The following HPS3 variants were observed in gnomAD, a reference collection of about 807,000 sequenced individuals.
HPS3 encodes the protein HPS3 biogenesis of lysosomal organelles complex 2 subunit 1, also known as BLOC-2 complex member HPS3.
Under a neutral mutation model 110.9 loss-of-function variants are expected in HPS3, and 79 were observed. That is an observed-to-expected ratio of 0.71 (90% CI 0.59 to 0.86). The LOEUF (loss-of-function observed/expected upper bound fraction) is 0.86, where lower values mean the gene tolerates loss of function less well. Among genes scored for constraint, HPS3 ranks in the 40% least tolerant of loss-of-function variants. HPS3 has a pLI of 0.00. For synonymous variants in HPS3, 428 were observed against 451.0 expected, an observed-to-expected ratio of 0.95 and a Z score of 0.65; for missense variants, 1,197 against 1,206.2, an observed-to-expected ratio of 0.99 and a Z score of 0.11.
chr3:149,135,943 G>A (rs1024500086), intron 1 of HPS3, among the ~76,000 whole-genome samples: 19 of 152,012 alleles, frequency 1.2e-4, no homozygotes, highest in African/African-American at 3.6e-4. Flanking sequence ...AATTATTTCT[G>A]CCTTGTGATT....
intron 1 of HPS3, among the ~76,000 whole-genome samples, chr3:149,130,643 G>C (rs1203103466): frequency 6.6e-6 from 1 of 152,086 alleles, no homozygotes; most frequent in Non-Finnish European, 1.5e-5. Flanking sequence ...AGCCGGACGT[G>C]GTGGTGGGCG....
At chr3:149,134,148 C>T (rs542279124) in intron 1 of HPS3, among the ~76,000 whole-genome samples, 1 of 152,310 alleles carries the variant, frequency 6.6e-6, no homozygotes, top group South Asian at 2.1e-4. Flanking sequence ...CAGGGGCCTG[C>T]ACTGGGCCAC....
At chr3:149,167,285 C>G (rs1724521864) in intron 15 of HPS3, 45 bp downstream of exon 15, 1 of 1,467,372 alleles carries the variant, frequency 6.8e-7, no homozygotes. Context: ...CAGTGATAAT[C>G]AGATCTGATA....
rs777231166 is a variant in HPS3, at chr3:149,145,421, C to T, written c.1038C>T (p.Phe346=). Residue 346 remains phenylalanine, a synonymous_variant, in exon 5 of 17, where the codon TTC becomes TTT. Coordinates refer to ENST00000296051, the MANE Select transcript of HPS3 (RefSeq NM_032383.5). ...EKELLSLFCF[F]SLPHVGYLYM... ...AATTGCTGAGTCTCTTTTGCTTTTT[C>T]TCCTTACCTCATGTGGGCTATCTCT... 6.2e-7 allele frequency: 1 copy of T among 1,613,946 alleles called. No homozygotes were observed. Among genetic ancestry groups the T allele is most frequent in the Non-Finnish European group, 8.5e-7 (1 of 1,179,926 alleles).
intron 14 of HPS3, 148 bp downstream of exon 14, chr3:149,164,097 G>T (rs756230127): frequency 1.7e-6 from 1 of 587,372 alleles, no homozygotes; most frequent in Non-Finnish European, 3.0e-6. Flanking sequence ...AGGAGACTTG[G>T]AGGGAATGCC....
chr3:149,172,512 G>A lies in HPS3; in HGVS notation c.*290G>A, dbSNP rs769668427. 2.5e-5 allele frequency: 7 copies of A among 284,916 alleles called. No individual in the cohort carries two copies. Among genetic ancestry groups the A allele is most frequent in the Admixed American group, 9.3e-5 (2 of 21,552 alleles). The allele number at this position is 284,916 out of a possible 1,614,324, so 17.6% of individuals were successfully genotyped here. ...AGAAGCCATACATTTTTTAAGGTGG[G>A]GATTGACTTTTATTCCAAGGAACAA... On this transcript the variant is annotated 3_prime_UTR_variant, in exon 17 of 17. Transcript: ENST00000296051.
chr3:149,157,428 C>G lies in HPS3; in HGVS notation c.1588C>G (p.Arg530Gly). The change falls in exon 9 of 17, where the codon CGA becomes GGA. Residue 530 changes from arginine to glycine, a missense_variant. By Grantham distance (125) the Arg-to-Gly change is moderately radical. Transcript: ENST00000296051. ...HLLSEAHLLVRAALMDASQLE... is the reference protein window; with the variant it reads ...HLLSEAHLLVGAALMDASQLE... ...TCTCAGTGAGGCTCATCTGTTAGTG[C>G]GAGCTGCCCTGATGGATGCCAGTCA... The G allele has an allele frequency of 6.2e-7, 1 of 1,613,858 alleles. No homozygotes were observed. Among genetic ancestry groups the G allele is most frequent in the Non-Finnish European group, 8.5e-7 (1 of 1,179,842 alleles).
chr3:149,140,306 G>C lies in HPS3; in HGVS notation c.520G>C (p.Asp174His), dbSNP rs751435609. 1.2e-6 allele frequency: 2 copies of C among 1,613,512 alleles called. No homozygotes were observed. The highest frequency in any genetic ancestry group is 1.1e-5 in the South Asian group (1 of 91,048). The change falls in exon 2 of 17, where the codon GAC becomes CAC. Residue 174 changes from aspartate (D) to histidine (H), a missense_variant. Transcript: ENST00000296051. ...CATTAATGAGGAATTCTCACTATTGGACTTTGAACGTTCTTTAATTATACA... is the reference window on the plus strand; with the variant it reads ...CATTAATGAGGAATTCTCACTATTGCACTTTGAACGTTCTTTAATTATACA... Reference protein sequence around the residue: ...QIINEEFSLLDFERSLIIHID... With the variant: ...QIINEEFSLLHFERSLIIHID...
chr3:149,163,745 C>G (rs1341311955), intron 13 of HPS3, 97 bp from the exon 14 acceptor site: 2 of 724,228 alleles, frequency 2.8e-6, no homozygotes, highest in Non-Finnish European at 4.9e-6. Flanking sequence ...AATTCTATGA[C>G]ATGGCAGAGA....
intron 5 of HPS3, among the ~76,000 whole-genome samples, chr3:149,148,017 C>T (rs1722881440): frequency 6.6e-6 from 1 of 151,978 alleles, no homozygotes; most frequent in Non-Finnish European, 1.5e-5. Flanking sequence ...ATTATAGGCA[C>T]CTGCCGCCAT....
chr3:149,149,722 A>G (rs150747046), intron 5 of HPS3, among the ~76,000 whole-genome samples: 95 of 152,300 alleles, frequency 6.2e-4, no homozygotes, highest in Middle Eastern at 3.4e-3. Context: ...GAAGGAAGGA[A>G]TAAAAATATC....
rs1233251756 is a variant in HPS3 at position 149,172,113 on chromosome 3, C to T, written c.2906C>T (p.Ala969Val). Residue 969 changes from alanine (A) to valine (V), a missense_variant, in exon 17 of 17, where the codon GCT becomes GTT. Ala to Val is a moderately conservative substitution (Grantham distance 64). Coordinates refer to ENST00000296051, the MANE Select transcript of HPS3 (RefSeq NM_032383.5). ...TACACAGAAACATTGTCAATTGTTG[C>T]TGTGGAACTAGAACTGAAGGATTTC... ...SSLKETLSIV[A>V]VELELKDFMN... The T allele has an allele frequency of 6.2e-7, 1 of 1,612,836 alleles. No homozygotes were observed. Among genetic ancestry groups the T allele is most frequent in the Non-Finnish European group, 8.5e-7 (1 of 1,178,980 alleles).
chr3:149,168,072 C>T lies in HPS3; in HGVS notation c.2887+89C>T, dbSNP rs1406220444. On this transcript the variant is annotated intron_variant, in intron 16 of 16. Transcript: ENST00000296051. ...TTCTTAAGTATTTTCATGTGATTCT[C>T]AAGTGAAACCGAGGGCCTTTCAGAA... 6 of 792,198 alleles carry T rather than the reference C, an allele frequency of 7.6e-6. No individual in the cohort carries two copies. The Admixed American group carries it at 1.2e-4, about 15-fold the overall frequency. 49.1% of individuals were successfully genotyped at this position (792,198 alleles called of 1,614,324 possible). A position where few individuals can be genotyped will look rare whatever the true frequency, so the allele number is the denominator to read the frequency against.
rs562723185 is a variant in HPS3 at position 149,155,879 on chromosome 3, A to T, written c.1509+664A>T. Among the ~76,000 whole-genome samples, 4 of 152,206 alleles carry T rather than the reference A, an allele frequency of 2.6e-5. No homozygotes were observed. In the South Asian group the frequency reaches 6.2e-4, roughly 24 times the overall value. ...TGAGATCCCATCTGTACAAAAAATT[A>T]AAAAATTAGCCAGTTGTGGTGGCAC... On this transcript the variant is annotated intron_variant, in intron 8 of 16. Coordinates refer to ENST00000296051, the MANE Select transcript of HPS3 (RefSeq NM_032383.5).
At chr3:149,152,680 C>A (rs1723207053) in intron 6 of HPS3, among the ~76,000 whole-genome samples, 1 of 152,200 alleles carries the variant, frequency 6.6e-6, no homozygotes, top group South Asian at 2.1e-4. Context: ...TCCTTTTCCT[C>A]TGAGATTCTG....
At chr3:149,166,812 A>G (rs927589467) in intron 14 of HPS3, among the ~76,000 whole-genome samples, 5 of 152,214 alleles carry the variant, frequency 3.3e-5, no homozygotes, top group Admixed American at 6.5e-5. Flanking sequence ...TTATTTAAAA[A>G]TGATTGCTTT....
intron 14 of HPS3, chr3:149,165,921 A>C (rs1724369238): frequency 2.3e-6 from 1 of 431,010 alleles, no homozygotes; most frequent in South Asian, 1.7e-5. Context: ...AATTTATTAA[A>C]CTTGCAGGAA....
rs1576683215 is a variant in HPS3 at position 149,154,998 on chromosome 3, A to G, written c.1401-109A>G. 1.4e-5 allele frequency: 10 copies of G among 718,692 alleles called. No homozygotes were observed. The East Asian group carries it at 2.7e-4, about 19-fold the overall frequency. 44.5% of individuals were successfully genotyped at this position (718,692 alleles called of 1,614,324 possible). On this transcript the variant is annotated intron_variant, in intron 7 of 16. Transcript: ENST00000296051. ...TGTACAGTTAATCACTGAGGAAAAT[A>G]GTAAATGAAAATGATTTTATAGTTA...
intron 13 of HPS3, 132 bp downstream of exon 13, chr3:149,163,010 T>G: frequency 1.3e-6 from 1 of 773,704 alleles, no homozygotes. Context: ...ATGCAGGAGT[T>G]AAAAATACAC....
Sources: gnomAD v4.1 joint callset for allele counts (sites outside exome capture counted in the v4.1 genomes callset) on GRCh38, gnomAD v4.1.1 for gene constraint, MANE v1.5 for transcripts, NCBI Gene and HGNC (gene_info 2026-07-23, HGNC 2026-07-21) for gene names.